The following PLCB1 variants were observed in gnomAD, a reference collection of about 807,000 sequenced individuals.
The protein encoded by PLCB1 is phospholipase C beta 1.
In PLCB1, 46 loss-of-function variants were observed where a neutral mutation model predicts 161.8. That is an observed-to-expected ratio of 0.28 (90% CI 0.22 to 0.36). PLCB1 has a LOEUF of 0.36. Among genes scored for constraint, PLCB1 ranks in the 10% least tolerant of loss-of-function variants. The pLI is 1.00. For missense variants in PLCB1, 1,016 were observed against 1,472.5 expected (o/e 0.69, Z 5.07); for synonymous variants, 517 against 503.7 (o/e 1.03, Z -0.35).
chr20:8,845,286 A>C (rs1986652642), intron 31 of PLCB1, among the ~76,000 whole-genome samples: 1 of 152,132 alleles, frequency 6.6e-6, no homozygotes, highest in Non-Finnish European at 1.5e-5. Flanking sequence ...TAAGCATATT[A>C]GATCTGTTAA....
At chr20:8,278,825 C>T (rs1003528504) in intron 2 of PLCB1, among the ~76,000 whole-genome samples, 13 of 151,936 alleles carry the variant, frequency 8.6e-5, no homozygotes, top group Admixed American at 8.5e-4. Context: ...ACCCCAATTC[C>T]AGGTATGCAC....
In PLCB1 at chr20:8,276,913, T is replaced by G. The variant is rs1982574010; in HGVS notation, c.178-94469T>G. Among the ~76,000 whole-genome samples the G allele has an allele frequency of 2.0e-5, 3 of 151,318 alleles. No homozygotes were observed. In the South Asian group the frequency reaches 6.3e-4, roughly 32 times the overall value. On this transcript the variant is annotated intron_variant, in intron 2 of 31. Transcript: ENST00000338037. Reference sequence around the variant, plus strand: ...CTTAACCCCACTCTTGGGTAGCTTCTTCGTCTTCTTCTTTTCTTCTTCTTC... The same window carrying G: ...CTTAACCCCACTCTTGGGTAGCTTCGTCGTCTTCTTCTTTTCTTCTTCTTC...
intron 2 of PLCB1, among the ~76,000 whole-genome samples, chr20:8,250,583 G>A (rs1028728871): frequency 2.0e-5 from 3 of 151,656 alleles, no homozygotes; most frequent in Non-Finnish European, 2.9e-5. Flanking sequence ...TAATAAAGTA[G>A]GAAAAACAAT....
chr20:8,182,917 A>C (rs2051860364), intron 2 of PLCB1, among the ~76,000 whole-genome samples: 1 of 152,104 alleles, frequency 6.6e-6, no homozygotes, highest in Non-Finnish European at 1.5e-5. Context: ...CACTGAGATA[A>C]AATTTGACTC....
At chr20:8,561,203 T>C (rs746052247) in intron 3 of PLCB1, among the ~76,000 whole-genome samples, 11 of 151,984 alleles carry the variant, frequency 7.2e-5, no homozygotes, top group Non-Finnish European at 1.3e-4. Flanking sequence ...ATCTCCTGTG[T>C]GTGGTTCAAC....
intron 2 of PLCB1, among the ~76,000 whole-genome samples, chr20:8,282,513 A>C (rs1982918916): frequency 1.3e-5 from 2 of 152,220 alleles, no homozygotes; most frequent in Admixed American, 1.3e-4. Context: ...AAGTTGTTTG[A>C]AGTCAATTCT....
chr20:8,476,826 G>C (rs1300657321), intron 3 of PLCB1, among the ~76,000 whole-genome samples: 1 of 152,108 alleles, frequency 6.6e-6, no homozygotes, highest in Non-Finnish European at 1.5e-5. Flanking sequence ...TGTTCAAAAT[G>C]ATGAGGAAGC....
At chr20:8,181,866 T>A in intron 2 of PLCB1, among the ~76,000 whole-genome samples, 1 of 152,012 alleles carries the variant, frequency 6.6e-6, no homozygotes, top group South Asian at 2.1e-4. Context: ...GCTACTTGGG[T>A]TGGTGAGGCA....
chr20:8,333,955 A>G lies in PLCB1; in HGVS notation c.178-37427A>G, dbSNP rs562880442. 5.9e-5 allele frequency among the ~76,000 whole-genome samples: 9 copies of G among 152,354 alleles called. 1 individual carries two copies. The highest frequency in any genetic ancestry group is 2.2e-4 in the African/African-American group (9 of 41,590). On this transcript the variant is annotated intron_variant, in intron 2 of 31. Coordinates refer to ENST00000338037, the MANE Select transcript of PLCB1 (RefSeq NM_015192.4). ...CCTGGCGCGGTGGCTCACGCCTATA[A>G]TCCCAGCACTTTGGGAAGCGGAGGC...
intron 19 of PLCB1, 95 bp downstream of exon 19, chr20:8,733,487 C>G: frequency 1.9e-6 from 2 of 1,069,022 alleles, no homozygotes; most frequent in Non-Finnish European, 2.8e-6. Flanking sequence ...AATTTAGTAA[C>G]TAGGAAAGAT....
At chr20:8,771,333 A>G (rs1982665940) in intron 26 of PLCB1, among the ~76,000 whole-genome samples, 1 of 152,138 alleles carries the variant, frequency 6.6e-6, no homozygotes, top group Non-Finnish European at 1.5e-5. Flanking sequence ...AGTGACTACT[A>G]ATAGTTTGAA....
chr20:8,549,254 A>G (rs566196294), intron 3 of PLCB1, among the ~76,000 whole-genome samples: 1 of 152,282 alleles, frequency 6.6e-6, no homozygotes, highest in East Asian at 1.9e-4. Context: ...GATATAGATG[A>G]AGTGAAATCT....
chr20:8,793,778 C>T (rs4440038), intron 31 of PLCB1, among the ~76,000 whole-genome samples: 4 of 151,972 alleles, frequency 2.6e-5, no homozygotes, highest in African/African-American at 9.7e-5. Context: ...CAGTAGACAG[C>T]GTTTTGAGAT....
intron 2 of PLCB1, among the ~76,000 whole-genome samples, chr20:8,265,231 T>C (rs1031683201): frequency 6.6e-6 from 1 of 152,178 alleles, no homozygotes; most frequent in African/African-American, 2.4e-5. Flanking sequence ...GCAGTGTCTA[T>C]TCCTTAGAGC....
rs191079932 is a variant in PLCB1 at position 8,485,187 on chromosome 20, T to A, written c.246+113737T>A. 2.6e-4 allele frequency among the ~76,000 whole-genome samples: 39 copies of A among 150,820 alleles called. 1 individual carries two copies. The highest frequency in any genetic ancestry group is 8.8e-4 in the African/African-American group (36 of 41,024). ...CTTATTGTGGTCCAAATCTGGAGGG[T>A]TCTATTAGATGAAGTTCATCCAAAC... On this transcript the variant is annotated intron_variant, in intron 3 of 31. Transcript: ENST00000338037.
intron 3 of PLCB1, among the ~76,000 whole-genome samples, chr20:8,604,374 A>G (rs1047984771): frequency 7.9e-5 from 12 of 152,152 alleles, no homozygotes; most frequent in Non-Finnish European, 1.3e-4. Context: ...GCCAGTCTAA[A>G]GAAATCTGCA....
intron 31 of PLCB1, among the ~76,000 whole-genome samples, chr20:8,835,377 T>G (rs1986240130): frequency 6.6e-6 from 1 of 152,180 alleles, no homozygotes; most frequent in Non-Finnish European, 1.5e-5. Flanking sequence ...TTTCAGGGTC[T>G]CCACCGTTGT....
chr20:8,491,870 CT>C (rs778075270), intron 3 of PLCB1, among the ~76,000 whole-genome samples: 3 of 152,094 alleles, frequency 2.0e-5, no homozygotes, highest in Non-Finnish European at 4.4e-5. Flanking sequence ...GATCACTGTC[CT>C]TTGTTACCTG....
chr20:8,371,408 T>C lies in PLCB1; in HGVS notation c.204T>C (p.Leu68=). ...NKETELLDLS[L]VKDARCGRHA... is the part of the protein sequence containing the mutation. ...AGACAGAGCTACTGGATCTCAGCCT[T>C]GTCAAAGATGCCAGATGTGGGAGAC... The change falls in exon 3 of 32, where the codon CTT becomes CTC. Residue 68 remains leucine, a synonymous_variant. Transcript: ENST00000338037. The C allele has an allele frequency of 6.2e-7, 1 of 1,613,878 alleles. No homozygotes were observed. Among genetic ancestry groups the C allele is most frequent in the Non-Finnish European group, 8.5e-7 (1 of 1,179,846 alleles).
Sources: gnomAD v4.1 joint callset for allele counts (sites outside exome capture counted in the v4.1 genomes callset) on GRCh38, gnomAD v4.1.1 for gene constraint, MANE v1.5 for transcripts, NCBI Gene and HGNC (gene_info 2026-07-23, HGNC 2026-07-21) for gene names.